Variants in GPR139 observed in about 807,000 individuals in gnomAD.
GPR139 encodes the protein probable G protein-coupled receptor 139.
Under a neutral mutation model 25.8 loss-of-function variants are expected in GPR139, and 12 were observed. The ratio of observed to expected loss-of-function variants is 0.47; its 90% confidence interval spans 0.30 to 0.75. GPR139 has a LOEUF of 0.75. GPR139 is among the 30% of genes least tolerant of loss of function. The pLI is 0.07. For synonymous variants in GPR139, 184 were observed against 179.9 expected, an observed-to-expected ratio of 1.02 and a Z score of -0.18; for missense variants, 380 against 450.2, an observed-to-expected ratio of 0.84 and a Z score of 1.41.
intron 1 of GPR139, among the ~76,000 whole-genome samples, chr16:20,052,818 A>G (rs1258543417): frequency 2.0e-5 from 3 of 151,914 alleles, no homozygotes; most frequent in Non-Finnish European, 4.4e-5. Context: ...TCCATTTAAC[A>G]ATCTCTTATT....
rs1039722278 is a variant in GPR139 at position 20,032,311 on chromosome 16, G to A, written c.486C>T (p.Pro162=). The stretch of plus-strand genomic sequence containing the variant: ...TCCAGATGTTGGGCCACCAGTAATA[G>A]GGGATGCTGGTCAGGAAGCAGGTGA... ...VYITCFLTSI[P]YYWWPNIWTE... is the part of the protein sequence containing the mutation. Residue 162 remains proline, a synonymous_variant, in exon 2 of 2, where the codon CCC becomes CCT. Transcript: ENST00000570682. 6.8e-6 allele frequency: 11 copies of A among 1,614,226 alleles called. No homozygotes were observed. The highest frequency in any genetic ancestry group is 1.3e-5 in the African/African-American group (1 of 75,056).
intron 1 of GPR139, among the ~76,000 whole-genome samples, chr16:20,068,376 AT>A (rs2057444615): frequency 6.6e-6 from 1 of 152,000 alleles, no homozygotes; most frequent in East Asian, 1.9e-4. Flanking sequence ...TTGGAAATCT[AT>A]TTTTTAAAAT....
chr16:20,045,673 C>CCCTGGGA (rs2057351943), intron 1 of GPR139, among the ~76,000 whole-genome samples: 1 of 152,168 alleles, frequency 6.6e-6, no homozygotes, highest in Non-Finnish European at 1.5e-5. Context: ...GAATGCTCGC[C>CCCTGGGA]ACTCCCAGCC....
chr16:20,051,054 C>A (rs1476578078), intron 1 of GPR139, among the ~76,000 whole-genome samples: 8 of 72,500 alleles, frequency 1.1e-4, no homozygotes, highest in African/African-American at 4.5e-4. Flanking sequence ...CAGAGCAAGA[C>A]CCTGTTTCAA....
rs2057281553 is a variant in GPR139 at position 20,029,964 on chromosome 16, T to A, written c.*1771A>T. On this transcript the variant is annotated 3_prime_UTR_variant, in exon 2 of 2. Coordinates refer to ENST00000570682, the MANE Select transcript of GPR139 (RefSeq NM_001002911.4). ...CTTTTTTGAGGATCTTTTGCAAAGG[T>A]AACTTTGGCTCTGTAAGGTTTTATC... is the stretch of plus-strand genomic sequence containing the variant. 6.6e-6 allele frequency among the ~76,000 whole-genome samples: 1 copy of A among 152,156 alleles called. No individual in the cohort carries two copies. Among genetic ancestry groups the A allele is most frequent in the African/African-American group, 2.4e-5 (1 of 41,434 alleles).
In GPR139 at chr16:20,042,953, A is replaced by T. The variant is rs555226714; in HGVS notation, c.128-10284T>A. 1.2e-3 allele frequency among the ~76,000 whole-genome samples: 182 copies of T among 152,236 alleles called. 1 individual carries two copies. The highest frequency in any genetic ancestry group is 4.8e-3 in the Admixed American group (74 of 15,306). On this transcript the variant is annotated intron_variant, in intron 1 of 1. Transcript: ENST00000570682. Reference sequence around the variant, plus strand: ...GATTGGTAATGTCTGCCAAGATGGAACACATGTTGTGAATTTGTCATTGGG... The same window carrying T: ...GATTGGTAATGTCTGCCAAGATGGATCACATGTTGTGAATTTGTCATTGGG...
Position 20,073,502 on chromosome 16 carries a change from G to C in GPR139, c.115C>G (p.Leu39Val). ...CCACGCCCCTCACCTGGTAAACCGA[G>C]GCACAGCAAGAGGCTGTAGTAGACC... is the stretch of plus-strand genomic sequence containing the variant. ...PVVYYSLLLCLGLPANILTVI... is the reference protein window; with the variant it reads ...PVVYYSLLLCVGLPANILTVI... Residue 39 changes from leucine (L) to valine (V), a missense_variant, in exon 1 of 2, where the codon CTC becomes GTC. Physicochemically the swap from Leu to Val is conservative, Grantham distance 32. Transcript: ENST00000570682. This position sits in a 1 kb window ranked among gnomAD's most constrained non-coding sequence, Gnocchi z 4.7. The C allele has an allele frequency of 6.2e-7, 1 of 1,612,062 alleles. No homozygotes were observed. Among genetic ancestry groups the C allele is most frequent in the Non-Finnish European group, 8.5e-7 (1 of 1,179,242 alleles).
At chr16:20,060,348 ATC>A (rs2057408134) in intron 1 of GPR139, among the ~76,000 whole-genome samples, 2 of 151,340 alleles carry the variant, frequency 1.3e-5, no homozygotes, top group African/African-American at 4.9e-5. Context: ...CTGTGTGTGC[ATC>A]TCTATGTGTG....
At chr16:20,072,612 G>A (rs547991126) in intron 1 of GPR139, among the ~76,000 whole-genome samples, 2 of 152,088 alleles carry the variant, frequency 1.3e-5, no homozygotes, top group East Asian at 1.9e-4. Context: ...TCTCTCTCTC[G>A]CTCTCTCTCG....
chr16:20,035,976 G>A (rs927699669), intron 1 of GPR139, among the ~76,000 whole-genome samples: 4 of 152,158 alleles, frequency 2.6e-5, no homozygotes, highest in Admixed American at 6.5e-5. Context: ...GGTCAAATAC[G>A]TGTGCATAGG....
intron 1 of GPR139, among the ~76,000 whole-genome samples, chr16:20,062,305 C>T (rs569474251): frequency 3.9e-5 from 6 of 152,188 alleles, no homozygotes; most frequent in East Asian, 3.9e-4. Context: ...ATGGAATTAG[C>T]GACTTTATAA....
intron 1 of GPR139, among the ~76,000 whole-genome samples, chr16:20,036,967 C>T (rs1337645389): frequency 6.6e-6 from 1 of 152,120 alleles, no homozygotes; most frequent in Non-Finnish European, 1.5e-5. Context: ...CAGGTATTAA[C>T]AAAGTGGACA....
At chr16:20,066,325 G>A (rs1160851765) in intron 1 of GPR139, among the ~76,000 whole-genome samples, 1 of 152,190 alleles carries the variant, frequency 6.6e-6, no homozygotes, top group East Asian at 1.9e-4. Context: ...CAACCTTGCT[G>A]GTGGTGTTTG....
At position 20,053,872 on chromosome 16, in the gene GPR139, G is replaced by A. The variant is rs1468828110; in HGVS notation, c.127+19618C>T. 2.6e-5 allele frequency among the ~76,000 whole-genome samples: 4 copies of A among 151,236 alleles called. No homozygotes were observed. In the East Asian group the frequency reaches 5.8e-4, roughly 22 times the overall value. On this transcript the variant is annotated intron_variant, in intron 1 of 1. Coordinates refer to ENST00000570682, the MANE Select transcript of GPR139 (RefSeq NM_001002911.4). ...GAATAGATTGTAATAGATTTCAGAA[G>A]CTAATAAAAATTTAGCCAATTTCCT...
At chr16:20,047,338 T>G (rs977040613) in intron 1 of GPR139, among the ~76,000 whole-genome samples, 31 of 152,170 alleles carry the variant, frequency 2.0e-4, no homozygotes, top group African/African-American at 7.0e-4. Context: ...CTCGAACTCC[T>G]GACCTGGGAG....
chr16:20,071,023 C>T, intron 1 of GPR139: 1 of 985,036 alleles, frequency 1.0e-6, no homozygotes, highest in Non-Finnish European at 1.2e-6. Context: ...TTCATGATAT[C>T]TATGACCACA....
At chr16:20,033,589 T>A (rs1173735502) in intron 1 of GPR139, among the ~76,000 whole-genome samples, 3 of 152,194 alleles carry the variant, frequency 2.0e-5, no homozygotes, top group Admixed American at 6.5e-5. Context: ...TTTAGGACCT[T>A]TCCTTTTTAA....
intron 1 of GPR139, among the ~76,000 whole-genome samples, chr16:20,066,828 C>G (rs982640877): frequency 4.6e-5 from 7 of 152,204 alleles, no homozygotes; most frequent in Non-Finnish European, 1.0e-4. Context: ...ATCCTCAAAA[C>G]AGCCCAATGA....
intron 1 of GPR139, among the ~76,000 whole-genome samples, chr16:20,057,719 C>T (rs544646291): frequency 6.6e-6 from 1 of 152,124 alleles, no homozygotes; most frequent in Non-Finnish European, 1.5e-5. Flanking sequence ...AGACTCCATG[C>T]CTACTGTCAA....
Sources: allele counts gnomAD v4.1 joint callset (sites outside exome capture counted in the v4.1 genomes callset), GRCh38; gene constraint gnomAD v4.1.1; non-coding constraint Gnocchi (gnomAD v3.1); transcripts MANE v1.5; gene names NCBI Gene and HGNC (gene_info 2026-07-23, HGNC 2026-07-21).